Variants in KCNN2 observed in about 807,000 individuals in gnomAD.
KCNN2 encodes the protein potassium calcium-activated channel subfamily N member 2, also known as small conductance calcium-activated potassium channel protein 2.
Under a neutral mutation model 55.5 loss-of-function variants are expected in KCNN2, and 24 were observed. The ratio of observed to expected loss-of-function variants is 0.43; its 90% CI spans 0.31 to 0.61. KCNN2 has a LOEUF of 0.61. Among genes scored for constraint, KCNN2 ranks in the 20% least tolerant of loss-of-function variants. The pLI is 0.08. For missense variants in KCNN2, 754 were observed against 853.6 expected, an observed-to-expected ratio of 0.88 and a Z score of 1.45; for synonymous variants, 431 against 336.1, an observed-to-expected ratio of 1.28 and a Z score of -3.09.
intron 1 of KCNN2, among the ~76,000 whole-genome samples, chr5:114,115,470 C>T (rs1751691881): frequency 6.6e-6 from 1 of 152,090 alleles, no homozygotes; most frequent in African/African-American, 2.4e-5. Context: ...GATTTAGTCT[C>T]ATGAAAATCC....
intron 1 of KCNN2, among the ~76,000 whole-genome samples, chr5:114,140,975 G>A (rs1338935766): frequency 6.6e-6 from 1 of 151,692 alleles, no homozygotes; most frequent in Non-Finnish European, 1.5e-5. Context: ...TTTTAGTAGA[G>A]ACGGGGTTTC....
At chr5:114,341,163 C>A (rs1027011231) in intron 2 of KCNN2, among the ~76,000 whole-genome samples, 1 of 152,080 alleles carries the variant, frequency 6.6e-6, no homozygotes, top group African/African-American at 2.4e-5. Context: ...AAAATATTTA[C>A]AATTAAAAAG....
At chr5:114,424,217 CACTT>C (rs1210865336) in intron 3 of KCNN2, among the ~76,000 whole-genome samples, 1 of 152,154 alleles carries the variant, frequency 6.6e-6, no homozygotes, top group African/African-American at 2.4e-5. Context: ...AAAAACCAAA[CACTT>C]ATAACATTTT....
At chr5:114,303,167 A>G (rs75393499) in intron 2 of KCNN2, among the ~76,000 whole-genome samples, 1 of 152,374 alleles carries the variant, frequency 6.6e-6, no homozygotes, top group Non-Finnish European at 1.5e-5. Context: ...ATAAAAAGGG[A>G]GAAGAAATCA....
At chr5:114,407,952 T>C (rs180820558) in intron 3 of KCNN2, among the ~76,000 whole-genome samples, 86 of 152,322 alleles carry the variant, frequency 5.6e-4, no homozygotes, top group African/African-American at 2.0e-3. Flanking sequence ...TTAGTGTTTC[T>C]ACAAAGCAGA....
intron 1 of KCNN2, among the ~76,000 whole-genome samples, chr5:114,175,111 T>C (rs1405339013): frequency 6.6e-6 from 1 of 152,224 alleles, no homozygotes; most frequent in South Asian, 2.1e-4. Flanking sequence ...GAGGTAGTTA[T>C]AAGCTGTGGT....
intron 1 of KCNN2, among the ~76,000 whole-genome samples, chr5:114,096,481 T>C (rs1449380646): frequency 6.6e-6 from 1 of 152,156 alleles, no homozygotes. Flanking sequence ...AACCAAGCTA[T>C]ATACTCATGA....
chr5:114,107,814 T>C (rs1421154558), intron 1 of KCNN2, among the ~76,000 whole-genome samples: 2 of 152,100 alleles, frequency 1.3e-5, no homozygotes, highest in African/African-American at 4.8e-5. Flanking sequence ...AATTGACAAC[T>C]TTACAACATT....
intron 6 of KCNN2, chr5:114,488,999 G>A (rs1030387788): frequency 1.3e-5 from 2 of 152,090 alleles, no homozygotes; most frequent in African/African-American, 4.8e-5. Flanking sequence ...TTGCCTCCAG[G>A]ATCTTATCTG....
At chr5:114,462,012 T>C (rs1338709258) in intron 3 of KCNN2, among the ~76,000 whole-genome samples, 1 of 152,120 alleles carries the variant, frequency 6.6e-6, no homozygotes, top group East Asian at 1.9e-4. Context: ...CAATGGTGGG[T>C]GAAAAGTAAG....
At chr5:114,079,133 A>G (rs984371487) in intron 1 of KCNN2, among the ~76,000 whole-genome samples, 2 of 152,160 alleles carry the variant, frequency 1.3e-5, no homozygotes, top group Admixed American at 1.3e-4. Context: ...TTGACTCACA[A>G]ATTTCCTGGG....
At chr5:114,178,878 G>A (rs887640792) in intron 1 of KCNN2, among the ~76,000 whole-genome samples, 21 of 152,104 alleles carry the variant, frequency 1.4e-4, no homozygotes, top group African/African-American at 4.8e-4. Context: ...AGAAATACCT[G>A]GCAAGTAAAT....
At chr5:114,423,390 A>G (rs1759526868) in intron 3 of KCNN2, among the ~76,000 whole-genome samples, 1 of 152,194 alleles carries the variant, frequency 6.6e-6, no homozygotes, top group Non-Finnish European at 1.5e-5. Flanking sequence ...ATATGAGCCT[A>G]AATAAAGAGG....
rs6149185 is a variant in KCNN2, at chr5:114,323,649, A to ATTTTTTTTT, written c.-184-37286_-184-37278dup. 6.3e-3 allele frequency among the ~76,000 whole-genome samples: 536 copies of ATTTTTTTTT among 85,234 alleles called. 71 individuals carry two copies. Among genetic ancestry groups the ATTTTTTTTT allele is most frequent in the African/African-American group, 0.02 (498 of 24,654 alleles). The allele number at this position is 85,234 out of a possible 152,430, so 55.9% of individuals were successfully genotyped here. ...TAAGTATCATGATATAAACATATCA[A>ATTTTTTTTT]TTTTTTTTTTTTTTTTTTGCTGGTC... On this transcript the variant is annotated intron_variant, in intron 2 of 10. Transcript: ENST00000512097.
At chr5:114,168,860 C>G (rs1580583526) in intron 1 of KCNN2, among the ~76,000 whole-genome samples, 2 of 152,076 alleles carry the variant, frequency 1.3e-5, no homozygotes, top group Non-Finnish European at 2.9e-5. Context: ...AGGTGTTTCT[C>G]TATGTATAAT....
At chr5:114,421,322 G>A (rs1336501753) in intron 3 of KCNN2, among the ~76,000 whole-genome samples, 2 of 151,544 alleles carry the variant, frequency 1.3e-5, no homozygotes, top group African/African-American at 2.4e-5. Context: ...ACAGAGTCTC[G>A]CTCTGTGGCC....
intron 2 of KCNN2, among the ~76,000 whole-genome samples, chr5:114,301,783 G>T (rs1032224969): frequency 6.6e-6 from 1 of 152,152 alleles, no homozygotes; most frequent in African/African-American, 2.4e-5. Flanking sequence ...GGACAGATTT[G>T]AGCCCATAGA....
At chr5:114,438,941 C>T (rs1162438229) in intron 3 of KCNN2, among the ~76,000 whole-genome samples, 2 of 152,090 alleles carry the variant, frequency 1.3e-5, no homozygotes, top group African/African-American at 4.8e-5. Flanking sequence ...TCTGTGGTGT[C>T]ATTATAAAAT....
intron 2 of KCNN2, among the ~76,000 whole-genome samples, chr5:114,314,186 AT>A (rs1756456090): frequency 6.6e-6 from 1 of 152,098 alleles, no homozygotes; most frequent in African/African-American, 2.4e-5. Flanking sequence ...TTTTAGAGCA[AT>A]TTTAGGTTAC....
Sources: gnomAD v4.1 joint callset for allele counts (sites outside exome capture counted in the v4.1 genomes callset) on GRCh38, gnomAD v4.1.1 for gene constraint, MANE v1.5 for transcripts, NCBI Gene and HGNC (gene_info 2026-07-23, HGNC 2026-07-21) for gene names.